The following P3H2 variants were observed in gnomAD, a reference collection of about 807,000 sequenced individuals.
The protein encoded by P3H2 is leprecan-like 1.
In P3H2, 80 loss-of-function variants were observed where a neutral mutation model predicts 87.0. The ratio of observed to expected loss-of-function variants is 0.92; its 90% CI spans 0.77 to 1.11. P3H2 has a LOEUF of 1.11. Ranked by LOEUF, P3H2 falls within the 50% of genes least tolerant of loss-of-function variation. P3H2 has a pLI of 0.00. For missense variants in P3H2, 1,001 were observed against 923.9 expected (o/e 1.08, Z -1.08); for synonymous variants, 367 against 359.3 (o/e 1.02, Z -0.24).
intron 13 of P3H2, among the ~76,000 whole-genome samples, chr3:189,968,231 A>G (rs1723059729): frequency 6.6e-6 from 1 of 152,130 alleles, no homozygotes; most frequent in Non-Finnish European, 1.5e-5. Context: ...CATTATCTAC[A>G]TTAAGTATTT....
intron 3 of P3H2, among the ~76,000 whole-genome samples, chr3:189,993,322 CAAAA>C (rs11337333): frequency 4.8e-5 from 6 of 124,812 alleles, no homozygotes; most frequent in Non-Finnish European, 9.9e-5. Context: ...AACTCTGTCT[CAAAA>C]AAAAAAAAAA....
intron 1 of P3H2, among the ~76,000 whole-genome samples, chr3:190,034,187 T>A (rs144548527): frequency 3.8e-4 from 57 of 151,466 alleles, no homozygotes; most frequent in Admixed American, 2.6e-4. Context: ...TCCAAAGGAC[T>A]AGATAAAGGG....
intron 1 of P3H2, among the ~76,000 whole-genome samples, chr3:190,059,724 G>T (rs1166051933): frequency 6.6e-6 from 1 of 152,028 alleles, no homozygotes; most frequent in Non-Finnish European, 1.5e-5. Flanking sequence ...AACACTGCAT[G>T]ATGGCTAGGG....
At chr3:190,062,646 CT>C (rs1203980462) in intron 1 of P3H2, among the ~76,000 whole-genome samples, 1 of 152,088 alleles carries the variant, frequency 6.6e-6, no homozygotes, top group African/African-American at 2.4e-5. Context: ...TAAACCCAGA[CT>C]TCCTTTGTTG....
chr3:189,974,682 C>T lies in P3H2; in HGVS notation c.1328G>A (p.Gly443Asp), dbSNP rs1442486375. The change falls in exon 9 of 15, where the codon GGT becomes GAT. Residue 443 changes from glycine to aspartate, a missense_variant. Coordinates refer to ENST00000319332, the MANE Select transcript of P3H2 (RefSeq NM_018192.4). ...TGTGATGTTCTCATAGAGTAGAGGA[C>T]CACCTACAGGAACAGAGCACATTGT... The part of the protein sequence containing the change: ...PKIDRDLREG[G>D]PLLYENITFV... 1.9e-6 allele frequency: 3 copies of T among 1,614,028 alleles called. No individual in the cohort carries two copies. The highest frequency in any genetic ancestry group is 2.5e-6 in the Non-Finnish European group (3 of 1,179,998).
chr3:190,114,272 C>T (rs558044322), intron 1 of P3H2, among the ~76,000 whole-genome samples: 52 of 150,128 alleles, frequency 3.5e-4, no homozygotes, highest in Non-Finnish European at 6.4e-4. Flanking sequence ...CAAGCTCCGC[C>T]TCCCGGGTTC....
chr3:190,084,672 A>C (rs1042857644), intron 1 of P3H2, among the ~76,000 whole-genome samples: 1 of 152,170 alleles, frequency 6.6e-6, no homozygotes, highest in African/African-American at 2.4e-5. Context: ...AAATAAACCA[A>C]CTCTGCGAAA....
At chr3:190,037,207 T>A (rs1047170958) in intron 1 of P3H2, among the ~76,000 whole-genome samples, 1 of 151,730 alleles carries the variant, frequency 6.6e-6, no homozygotes, top group Non-Finnish European at 1.5e-5. Context: ...AAGGAGAGCA[T>A]TAAGGTGTAT....
At chr3:190,037,552 C>T (rs532987265) in intron 1 of P3H2, among the ~76,000 whole-genome samples, 19 of 152,218 alleles carry the variant, frequency 1.2e-4, no homozygotes, top group African/African-American at 4.3e-4. Flanking sequence ...CCCTTGATGT[C>T]AACACGTCAA....
chr3:190,088,143 T>G (rs1727287968), intron 1 of P3H2, among the ~76,000 whole-genome samples: 1 of 152,184 alleles, frequency 6.6e-6, no homozygotes, highest in South Asian at 2.1e-4. Context: ...GTCTCATTGA[T>G]GATAATAAAA....
chr3:190,035,473 A>G (rs1725390124), intron 1 of P3H2, among the ~76,000 whole-genome samples: 1 of 152,216 alleles, frequency 6.6e-6, no homozygotes, highest in Admixed American at 6.5e-5. Context: ...AAATTCTTAA[A>G]GATTAAACAG....
intron 1 of P3H2, among the ~76,000 whole-genome samples, chr3:190,095,757 C>A (rs1273562177): frequency 6.6e-6 from 1 of 151,882 alleles, no homozygotes; most frequent in Non-Finnish European, 1.5e-5. Context: ...CCCGCCACCA[C>A]GCCTGGCTAA....
At chr3:190,000,105 A>G (rs915105320) in intron 1 of P3H2, among the ~76,000 whole-genome samples, 1 of 152,232 alleles carries the variant, frequency 6.6e-6, no homozygotes, top group Non-Finnish European at 1.5e-5. Context: ...GTAGTCATCC[A>G]TTGACTAGAA....
intron 1 of P3H2, among the ~76,000 whole-genome samples, chr3:190,006,083 C>A (rs1019476676): frequency 1.3e-5 from 2 of 152,128 alleles, no homozygotes; most frequent in Admixed American, 1.3e-4. Context: ...AGCCAAGAGA[C>A]TATATTAGAA....
chr3:190,118,117 T>C (rs991345016), intron 1 of P3H2, among the ~76,000 whole-genome samples: 8 of 152,160 alleles, frequency 5.3e-5, no homozygotes, highest in Non-Finnish European at 1.0e-4. Flanking sequence ...TCACCTTCTT[T>C]GACCTCCAAC....
chr3:190,115,409 T>C (rs554553068), intron 1 of P3H2, among the ~76,000 whole-genome samples: 149 of 144,528 alleles, frequency 1.0e-3, no homozygotes, highest in African/African-American at 3.6e-3. Flanking sequence ...TTTTTTTAAA[T>C]GGTTGGGAAA....
intron 1 of P3H2, among the ~76,000 whole-genome samples, chr3:190,113,940 C>T (rs1437521372): frequency 2.0e-5 from 3 of 151,116 alleles, no homozygotes; most frequent in African/African-American, 2.4e-5. Flanking sequence ...ATTAGCCGGG[C>T]GTGGAGGCGG....
At chr3:190,008,058 T>C (rs1422541277) in intron 1 of P3H2, among the ~76,000 whole-genome samples, 4 of 150,776 alleles carry the variant, frequency 2.7e-5, no homozygotes, top group Non-Finnish European at 5.9e-5. Flanking sequence ...GAATCCCGAA[T>C]GCAGATATTG....
Position 189,970,890 on chromosome 3 carries a change from C to A in P3H2, c.1819G>T (p.Ala607Ser). The A allele has an allele frequency of 6.5e-7, 1 of 1,529,084 alleles. No homozygotes were observed. The highest frequency in any genetic ancestry group is 1.4e-5 in the African/African-American group (1 of 73,368). The allele number at this position is 1,529,084 out of a possible 1,614,324, so 94.7% of individuals were successfully genotyped here. Residue 607 changes from alanine (A) to serine (S), a missense_variant and splice_region_variant, in exon 13 of 15, where the codon GCT becomes TCT. By Grantham distance (99) the Ala-to-Ser change is moderately conservative. Transcript: ENST00000319332. The part of the protein sequence containing the change: ...PPAYTFRDYS[A>S]LLYMNDDFEG... ...AAGTCATCATTCATATATAGGAGAGCACTATAAGAATGAAGAGAAAACTAT... is the reference window on the plus strand; with the variant it reads ...AAGTCATCATTCATATATAGGAGAGAACTATAAGAATGAAGAGAAAACTAT...
Sources: gnomAD v4.1 joint callset for allele counts (sites outside exome capture counted in the v4.1 genomes callset) on GRCh38, gnomAD v4.1.1 for gene constraint, MANE v1.5 for transcripts, NCBI Gene and HGNC (gene_info 2026-07-23, HGNC 2026-07-21) for gene names.